The following MKNK1 variants were observed in gnomAD, a reference collection of about 807,000 sequenced individuals.
MKNK1 encodes the protein MAPK interacting serine/threonine kinase 1.
In MKNK1, 30 loss-of-function variants were observed where a neutral mutation model predicts 49.3. The ratio of observed to expected loss-of-function variants is 0.61; its 90% CI spans 0.46 to 0.83. MKNK1 has a LOEUF of 0.83. Ranked by LOEUF, MKNK1 falls within the 40% of genes least tolerant of loss-of-function variation. The probability of loss-of-function intolerance (pLI) is 0.00; values close to 1 mark genes in which losing one functional copy is unlikely to be tolerated. For missense variants in MKNK1, 423 were observed against 524.7 expected (o/e 0.81, Z 1.89); for synonymous variants, 176 against 201.7 (o/e 0.87, Z 1.08).
intron 9 of MKNK1, among the ~76,000 whole-genome samples, 154 bp downstream of exon 9, chr1:46,564,887 G>A (rs1294712377): frequency 2.0e-5 from 3 of 152,216 alleles, no homozygotes; most frequent in Non-Finnish European, 4.4e-5. Flanking sequence ...AGGCTTGAGA[G>A]CCACGAACAC....
intron 8 of MKNK1, 70 bp downstream of exon 8, chr1:46,568,373 C>T (rs371689901): frequency 6.8e-6 from 10 of 1,474,092 alleles, no homozygotes; most frequent in African/African-American, 2.8e-5. Flanking sequence ...TGCTAACAAT[C>T]CATCCTGAAA....
chr1:46,603,579 C>A (rs116675944), intron 1 of MKNK1, among the ~76,000 whole-genome samples: 318 of 152,242 alleles, frequency 2.1e-3, no homozygotes, highest in African/African-American at 7.3e-3. Flanking sequence ...CCAGGACACA[C>A]AGCTAAGAGG....
chr1:46,577,513 A>C (rs565553019), intron 4 of MKNK1, among the ~76,000 whole-genome samples: 1 of 151,846 alleles, frequency 6.6e-6, no homozygotes, highest in South Asian at 2.1e-4. Flanking sequence ...AATAAACAAT[A>C]ATAATTTATT....
At chr1:46,591,599 A>G (rs1673344826) in intron 2 of MKNK1, among the ~76,000 whole-genome samples, 1 of 152,026 alleles carries the variant, frequency 6.6e-6, no homozygotes, top group African/African-American at 2.4e-5. Flanking sequence ...GCGTGTAGAA[A>G]GCTGACAAAG....
intron 2 of MKNK1, among the ~76,000 whole-genome samples, chr1:46,586,742 A>T (rs1418580835): frequency 6.6e-6 from 1 of 152,204 alleles, no homozygotes; most frequent in Non-Finnish European, 1.5e-5. Flanking sequence ...CAGTTCAGGA[A>T]TTCTACTAAT....
At chr1:46,594,876 G>A in intron 1 of MKNK1, 1 of 411,768 alleles carries the variant, frequency 2.4e-6, no homozygotes, top group Admixed American at 2.7e-5. Context: ...ACCTGTAGCT[G>A]CTTGGGAGGC....
intron 2 of MKNK1, among the ~76,000 whole-genome samples, chr1:46,593,090 AAT>A (rs1673560784): frequency 6.6e-6 from 1 of 152,178 alleles, no homozygotes. Context: ...CATTATTCAT[AAT>A]CTCCCAGGCA....
At chr1:46,585,831 A>C (rs1243379649) in intron 2 of MKNK1, 1 of 1,053,604 alleles carries the variant, frequency 9.5e-7, no homozygotes, top group Non-Finnish European at 1.4e-6. Flanking sequence ...CGCACACGTA[A>C]CATTAGATTT....
intron 9 of MKNK1, among the ~76,000 whole-genome samples, chr1:46,564,123 A>G (rs1338387142): frequency 6.6e-6 from 1 of 151,392 alleles, no homozygotes; most frequent in Non-Finnish European, 1.5e-5. Flanking sequence ...TCATAATTAT[A>G]CTCTATTAGT....
At chr1:46,591,804 A>G (rs889732461) in intron 2 of MKNK1, among the ~76,000 whole-genome samples, 1 of 152,180 alleles carries the variant, frequency 6.6e-6, no homozygotes, top group Non-Finnish European at 1.5e-5. Flanking sequence ...GTCAGGTGCT[A>G]TACTTTGGTT....
chr1:46,583,235 CT>C lies in MKNK1; in HGVS notation c.92del (p.Lys31SerfsTer8). The C allele has an allele frequency of 6.2e-7, 1 of 1,613,898 alleles. No homozygotes were observed. The highest frequency in any genetic ancestry group is 8.5e-7 in the Non-Finnish European group (1 of 1,179,928). On this transcript the variant is annotated frameshift_variant, in exon 3 of 13. Coordinates refer to ENST00000371945, the MANE Select transcript of MKNK1 (RefSeq NM_001135553.4). LOFTEE classifies it high-confidence loss of function. ...GGAAGTTGTGTGACCAACCTTCAAA[CT>C]TTCCTGGCAAGGAGTCAGTGGCCCG... is the stretch of plus-strand genomic sequence containing the variant. ...RGRATDSLPG[K>X]FEDMYKLTSE...
At chr1:46,578,417 C>T (rs1442488550) in intron 4 of MKNK1, among the ~76,000 whole-genome samples, 1 of 152,080 alleles carries the variant, frequency 6.6e-6, no homozygotes, top group Non-Finnish European at 1.5e-5. Flanking sequence ...ATTGCCAAGC[C>T]AGAGTCCAGT....
Position 46,598,853 on chromosome 1 carries a change from T to C in MKNK1, c.-170-4573A>G, listed in dbSNP as rs1312444723. Reference sequence around the variant, plus strand: ...CTCTAGTCTCTCTGAATCCTGTTTATATTCTCAGTTCTTCCTCATACAGTC... The same window carrying C: ...CTCTAGTCTCTCTGAATCCTGTTTACATTCTCAGTTCTTCCTCATACAGTC... On this transcript the variant is annotated intron_variant, in intron 1 of 12. Coordinates refer to ENST00000371945, the MANE Select transcript of MKNK1 (RefSeq NM_001135553.4). 3.3e-5 allele frequency among the ~76,000 whole-genome samples: 5 copies of C among 152,242 alleles called. No individual in the cohort carries two copies. The East Asian group carries it at 9.6e-4, about 29-fold the overall frequency.
intron 2 of MKNK1, among the ~76,000 whole-genome samples, chr1:46,583,821 G>A (rs11211312): frequency 0.26 from 39,698 of 152,074 alleles, 5,222 homozygotes; most frequent in Admixed American, 0.33. Flanking sequence ...ATGGCCTGGA[G>A]TGGAGACAGC....
chr1:46,587,367 C>A lies in MKNK1; in HGVS notation c.-2-4038G>T, dbSNP rs116784343. Among the ~76,000 whole-genome samples, 558 of 152,314 alleles carry A rather than the reference C, an allele frequency of 3.7e-3. 2 individuals are homozygous for A. The highest frequency in any genetic ancestry group is 0.013 in the African/African-American group (521 of 41,562). ...ATGCTGCTTGCTGACAGGGAAGGCA[C>A]ACAGGCTTGGCATCAGGCGAGCAAG... is the stretch of plus-strand genomic sequence containing the variant. On this transcript the variant is annotated intron_variant, in intron 2 of 12. Coordinates refer to ENST00000371945, the MANE Select transcript of MKNK1 (RefSeq NM_001135553.4).
At chr1:46,576,372 T>G in intron 5 of MKNK1, 1 of 547,374 alleles carries the variant, frequency 1.8e-6, no homozygotes, top group Non-Finnish European at 3.3e-6. Context: ...ATTTACAGTA[T>G]TTCAGAAGAG....
At chr1:46,586,118 T>C in intron 2 of MKNK1, 1 of 369,648 alleles carries the variant, frequency 2.7e-6, no homozygotes, top group Middle Eastern at 4.0e-4. Context: ...CACACTATTT[T>C]CATCACAGAG....
chr1:46,564,704 A>C (rs1218574094), intron 9 of MKNK1, among the ~76,000 whole-genome samples: 2 of 151,652 alleles, frequency 1.3e-5, no homozygotes, highest in Non-Finnish European at 2.9e-5. Flanking sequence ...CAAACTCCTG[A>C]CCTCAGGTGA....
chr1:46,568,422 T>G (rs987074151), intron 8 of MKNK1, 21 bp downstream of exon 8: 2 of 1,612,724 alleles, frequency 1.2e-6, no homozygotes, highest in Non-Finnish European at 1.7e-6. Context: ...ACTATAACAT[T>G]CCAAATCAGG....
Sources: gnomAD v4.1 joint callset for allele counts (sites outside exome capture counted in the v4.1 genomes callset) on GRCh38, gnomAD v4.1.1 for gene constraint, MANE v1.5 for transcripts, NCBI Gene and HGNC (gene_info 2026-07-23, HGNC 2026-07-21) for gene names.